LRBA: variants seen among roughly 807,000 people sequenced by gnomAD.
LRBA encodes LPS responsive beige-like anchor protein.
LRBA carries 176 observed loss-of-function variants against 330.0 expected under a neutral mutation model. That is an observed-to-expected ratio of 0.53 (90% CI 0.47 to 0.60). LRBA has a LOEUF of 0.60. LRBA is among the 20% of genes least tolerant of loss of function. The pLI is 0.00. For missense variants in LRBA, 3,259 were observed against 3,444.8 expected (o/e 0.95, Z 1.35); for synonymous variants, 1,230 against 1,193.0 (o/e 1.03, Z -0.64).
At chr4:150,828,150 C>T (rs2126810260) in intron 30 of LRBA, 30 bp downstream of exon 30, 2 of 1,601,410 alleles carry the variant, frequency 1.2e-6, no homozygotes, top group Non-Finnish European at 1.7e-6. Context: ...GATGTAGAAA[C>T]ATACCAAAAC....
chr4:150,342,211 G>C (rs1159821490), intron 48 of LRBA, among the ~76,000 whole-genome samples: 1 of 151,932 alleles, frequency 6.6e-6, no homozygotes, highest in Non-Finnish European at 1.5e-5. Flanking sequence ...GATTGTGTTT[G>C]AAAGAAAAGA....
chr4:150,350,146 T>C lies in LRBA; in HGVS notation c.7208A>G (p.Glu2403Gly). The change falls in exon 48 of 57, where the codon GAA becomes GGA. Residue 2403 changes from glutamate to glycine, a missense_variant. By Grantham distance (98) the Glu-to-Gly change is moderately conservative. Transcript: ENST00000651943. ...VHINRLALESEFVSCQLHQWI... is the reference protein window; with the variant it reads ...VHINRLALESGFVSCQLHQWI... ...TTGGTGAAGCTGGCAGGAAACAAAT[T>C]CACTCTCCAGGGCCTGAAAAAAGGT... 6.3e-7 allele frequency: 1 copy of C among 1,584,820 alleles called. No homozygotes were observed. The highest frequency in any genetic ancestry group is 1.2e-5 in the South Asian group (1 of 86,262).
chr4:150,856,999 A>G (rs1751304860), intron 22 of LRBA, among the ~76,000 whole-genome samples: 1 of 152,180 alleles, frequency 6.6e-6, no homozygotes, highest in African/African-American at 2.4e-5. Context: ...TTTTTAATCT[A>G]TACATTAAAA....
intron 2 of LRBA, among the ~76,000 whole-genome samples, chr4:150,941,139 C>T (rs1735628201): frequency 1.3e-5 from 2 of 151,970 alleles, no homozygotes; most frequent in Non-Finnish European, 2.9e-5. Flanking sequence ...GGGATGTCTT[C>T]AGCATGGAAT....
At chr4:150,818,267 T>C (rs1356818589) in intron 30 of LRBA, among the ~76,000 whole-genome samples, 2 of 152,066 alleles carry the variant, frequency 1.3e-5, no homozygotes, top group African/African-American at 4.8e-5. Context: ...CAAAATAGGT[T>C]TCGTTTTACC....
chr4:150,559,718 G>T (rs1482040204), intron 40 of LRBA, among the ~76,000 whole-genome samples: 37 of 76,284 alleles, frequency 4.9e-4, no homozygotes, highest in Admixed American at 1.4e-3. Flanking sequence ...TAATATTATA[G>T]ATTATATAAT....
intron 28 of LRBA, among the ~76,000 whole-genome samples, chr4:150,837,666 A>G (rs1748351097): frequency 6.6e-6 from 1 of 151,462 alleles, no homozygotes; most frequent in Non-Finnish European, 1.5e-5. Flanking sequence ...CCATCTCTTT[A>G]TTTTCAGCCT....
rs1158257685 is a variant in LRBA at position 150,624,226 on chromosome 4, TCAAA to T, written c.5922-25099_5922-25096del. Among the ~76,000 whole-genome samples, 7 of 151,612 alleles carry T rather than the reference TCAAA, an allele frequency of 4.6e-5. No individual in the cohort carries two copies. In the South Asian group the frequency reaches 1.0e-3, roughly 22 times the overall value. On this transcript the variant is annotated intron_variant, in intron 37 of 56. Coordinates refer to ENST00000651943, the MANE Select transcript of LRBA (RefSeq NM_001364905.1). Reference sequence around the variant, plus strand: ...ACATGTTTGAAACCCTGACTGTTGCTCAAACAATTTGAATTCAGAATATGAAAAT... The same window carrying T: ...ACATGTTTGAAACCCTGACTGTTGCTCAATTTGAATTCAGAATATGAAAAT...
chr4:150,522,699 T>G (rs1389117510), intron 40 of LRBA, among the ~76,000 whole-genome samples: 1 of 152,208 alleles, frequency 6.6e-6, no homozygotes, highest in African/African-American at 2.4e-5. Context: ...CAGGTGCAGT[T>G]CAGGCCACCT....
intron 37 of LRBA, among the ~76,000 whole-genome samples, chr4:150,614,938 C>T (rs982141336): frequency 5.3e-5 from 8 of 152,110 alleles, no homozygotes; most frequent in African/African-American, 1.9e-4. Context: ...GTACCAAAGA[C>T]AAAACAGAAA....
chr4:150,933,365 CAA>C (rs60766197), intron 2 of LRBA, among the ~76,000 whole-genome samples: 52 of 78,996 alleles, frequency 6.6e-4, no homozygotes, highest in Middle Eastern at 9.6e-3. Context: ...GACTCTGTCT[CAA>C]AAAAAAAAAA....
chr4:150,272,467 T>C (rs1192381395), intron 56 of LRBA, among the ~76,000 whole-genome samples: 1 of 151,636 alleles, frequency 6.6e-6, no homozygotes, highest in East Asian at 2.0e-4. Flanking sequence ...GCTGAACAGT[T>C]TGAGAAATTA....
At chr4:150,856,268 G>A (rs565311277) in intron 22 of LRBA, among the ~76,000 whole-genome samples, 5 of 152,282 alleles carry the variant, frequency 3.3e-5, no homozygotes, top group Non-Finnish European at 5.9e-5. Context: ...CCTCTCCTGA[G>A]TGAAACTGCT....
At chr4:150,658,439 T>C (rs1780440609) in intron 37 of LRBA, among the ~76,000 whole-genome samples, 1 of 149,362 alleles carries the variant, frequency 6.7e-6, no homozygotes, top group Admixed American at 6.7e-5. Flanking sequence ...GTTATCATAA[T>C]ACTTAGCACA....
At chr4:151,008,430 A>G (rs1209929641) in intron 2 of LRBA, among the ~76,000 whole-genome samples, 1 of 152,084 alleles carries the variant, frequency 6.6e-6, no homozygotes, top group Non-Finnish European at 1.5e-5. Context: ...CCCTTGCTAT[A>G]CTGGGGACAT....
At chr4:150,950,854 A>C (rs1484624732) in intron 2 of LRBA, among the ~76,000 whole-genome samples, 1 of 152,142 alleles carries the variant, frequency 6.6e-6, no homozygotes, top group African/African-American at 2.4e-5. Context: ...CTAAATATAT[A>C]CTTCCCCCTT....
At chr4:150,692,979 C>T (rs951663647) in intron 36 of LRBA, among the ~76,000 whole-genome samples, 3 of 152,026 alleles carry the variant, frequency 2.0e-5, no homozygotes, top group Admixed American at 6.6e-5. Flanking sequence ...ATTCAAAGTG[C>T]ATTATTCATA....
intron 47 of LRBA, among the ~76,000 whole-genome samples, chr4:150,394,234 G>A (rs1222950794): frequency 1.3e-5 from 2 of 152,152 alleles, no homozygotes; most frequent in Non-Finnish European, 2.9e-5. Context: ...TAACACAGCT[G>A]TGGTCAAAAG....
At chr4:150,498,077 T>A (rs1759798064) in intron 40 of LRBA, among the ~76,000 whole-genome samples, 1 of 152,110 alleles carries the variant, frequency 6.6e-6, no homozygotes, top group South Asian at 2.1e-4. Context: ...ATATTGATAT[T>A]TTCACAGAAC....
Sources: allele counts gnomAD v4.1 joint callset (sites outside exome capture counted in the v4.1 genomes callset), GRCh38; gene constraint gnomAD v4.1.1; transcripts MANE v1.5; gene names NCBI Gene and HGNC (gene_info 2026-07-23, HGNC 2026-07-21).